Variants in RBFOX1 observed in about 807,000 individuals in gnomAD.
RBFOX1 encodes the protein RNA binding fox-1 homolog 1.
RBFOX1 carries 8 observed loss-of-function variants against 57.7 expected under a neutral mutation model. That is an observed-to-expected ratio of 0.14 (90% confidence interval 0.08 to 0.25). The LOEUF (loss-of-function observed/expected upper bound fraction) is 0.25. Ranked by LOEUF, RBFOX1 falls within the 10% of genes least tolerant of loss-of-function variation. The pLI is 1.00. For synonymous variants in RBFOX1, 326 were observed against 222.4 expected, an observed-to-expected ratio of 1.47 and a Z score of -4.15; for missense variants, 611 against 548.5, an observed-to-expected ratio of 1.11 and a Z score of -1.14.
In RBFOX1 at chr16:5,531,948, C is replaced by T. The variant is rs543456228; in HGVS notation, c.258+64694C>T. Among the ~76,000 whole-genome samples the T allele has an allele frequency of 9.2e-5, 14 of 152,084 alleles. No individual in the cohort carries two copies. The East Asian group carries it at 2.1e-3, about 23-fold the overall frequency. ...CTGAATAGCTGGGATTACAGGCACCCGCCACCATTCCTGGCTAATTTTTGT... is the reference window on the plus strand; with the variant it reads ...CTGAATAGCTGGGATTACAGGCACCTGCCACCATTCCTGGCTAATTTTTGT... On this transcript the variant is annotated intron_variant, in intron 2 of 2. Transcript: ENST00000585867.
intron 4 of RBFOX1, among the ~76,000 whole-genome samples, chr16:5,957,453 C>T (rs879854656): frequency 3.9e-5 from 6 of 152,094 alleles, no homozygotes; most frequent in Non-Finnish European, 5.9e-5. Context: ...TTGAACCCCT[C>T]ACCTCAAGTG....
rs924011030 is a variant in RBFOX1 at position 6,680,479 on chromosome 16, G to T, written c.-16+25829G>T. Among the ~76,000 whole-genome samples the T allele has an allele frequency of 5.3e-5, 8 of 152,076 alleles. No individual in the cohort carries two copies. In the East Asian group the frequency reaches 1.4e-3, roughly 26 times the overall value. On this transcript the variant is annotated intron_variant, in intron 3 of 15. Coordinates refer to ENST00000550418, the MANE Select transcript of RBFOX1 (RefSeq NM_018723.4). Reference sequence around the variant, plus strand: ...GAGGTTTCACCATGTTAGCCACGATGGTCTCGATCTCCTGACCTCATGATC... The same window carrying T: ...GAGGTTTCACCATGTTAGCCACGATTGTCTCGATCTCCTGACCTCATGATC...
At chr16:6,775,334 A>AC (rs1255972499) in intron 3 of RBFOX1, among the ~76,000 whole-genome samples, 2 of 149,682 alleles carry the variant, frequency 1.3e-5, no homozygotes, top group Admixed American at 1.3e-4. Context: ...TGTCTCAAAA[A>AC]AAAAAAAAAA....
intron 3 of RBFOX1, among the ~76,000 whole-genome samples, chr16:5,815,156 A>ATTTTTTTT (rs71142650): frequency 1.3e-4 from 15 of 114,220 alleles, no homozygotes; most frequent in African/African-American, 1.7e-4. Context: ...ATTTAATTTA[A>ATTTTTTTT]TTTTTTTTTT....
At chr16:6,923,576 C>G (rs2074954594) in intron 3 of RBFOX1, among the ~76,000 whole-genome samples, 2 of 152,014 alleles carry the variant, frequency 1.3e-5, no homozygotes, top group African/African-American at 4.8e-5. Context: ...TTAATCATGG[C>G]TGACCATTTT....
rs112717264 is a variant in RBFOX1 at position 7,646,689 on chromosome 16, A to G, written c.758-7126A>G. On this transcript the variant is annotated intron_variant, in intron 11 of 15. Coordinates refer to ENST00000550418, the MANE Select transcript of RBFOX1 (RefSeq NM_018723.4). ...TATATTTTTATGGCTTTGGTGCAGAATCCGCCCCCCTGTCGGGTTTTGCAT... is the reference window on the plus strand; with the variant it reads ...TATATTTTTATGGCTTTGGTGCAGAGTCCGCCCCCCTGTCGGGTTTTGCAT... Among the ~76,000 whole-genome samples the G allele has an allele frequency of 6.8e-3, 1,033 of 152,344 alleles. 6 individuals are homozygous for G. The highest frequency in any genetic ancestry group is 0.037 in the Middle Eastern group (11 of 294).
At chr16:6,138,512 C>T (rs2096685906) in intron 1 of RBFOX1, among the ~76,000 whole-genome samples, 2 of 152,088 alleles carry the variant, frequency 1.3e-5, no homozygotes, top group South Asian at 4.1e-4. Context: ...TTTTTAAAGC[C>T]AGGAAGGGGA....
intron 3 of RBFOX1, among the ~76,000 whole-genome samples, chr16:5,672,854 GGTGTGTGTGTGTGTGTGTGT>G (rs3035730): frequency 2.0e-5 from 3 of 149,622 alleles, no homozygotes; most frequent in Non-Finnish European, 3.0e-5. Context: ...CTTCACCGTA[GGTGTGTGTGTGTGTGTGTGT>G]GTGTGTGTGT....
chr16:6,812,935 G>C (rs2089127418), intron 3 of RBFOX1, among the ~76,000 whole-genome samples: 1 of 152,074 alleles, frequency 6.6e-6, no homozygotes, highest in South Asian at 2.1e-4. Flanking sequence ...TCTTTCTTTG[G>C]AGACTGGGAG....
intron 4 of RBFOX1, among the ~76,000 whole-genome samples, chr16:7,243,551 G>C (rs73552709): frequency 0.023 from 3,440 of 152,198 alleles, 125 homozygotes; most frequent in African/African-American, 0.079. Flanking sequence ...ATTAGTAGTA[G>C]TATTAATACA....
intron 4 of RBFOX1, among the ~76,000 whole-genome samples, chr16:7,135,245 G>T (rs2071597051): frequency 6.6e-6 from 1 of 151,978 alleles, no homozygotes; most frequent in East Asian, 1.9e-4. Context: ...TTTTTTTGTT[G>T]TTGCTGTTGG....
chr16:6,966,417 G>T (rs1397186622), intron 3 of RBFOX1, among the ~76,000 whole-genome samples: 1 of 152,144 alleles, frequency 6.6e-6, no homozygotes, highest in African/African-American at 2.4e-5. Flanking sequence ...TGACCCTGGG[G>T]GGTCTTCCAG....
chr16:6,978,593 C>T (rs906770964), intron 3 of RBFOX1, among the ~76,000 whole-genome samples: 1 of 152,132 alleles, frequency 6.6e-6, no homozygotes, highest in Non-Finnish European at 1.5e-5. Flanking sequence ...CTGGGTATTA[C>T]CAGGTTGGGT....
chr16:6,316,244 G>C (rs1219685356), intron 1 of RBFOX1, among the ~76,000 whole-genome samples: 3 of 152,078 alleles, frequency 2.0e-5, no homozygotes, highest in African/African-American at 7.2e-5. Context: ...TTTTCTGGTA[G>C]GAGATGACCT....
rs143250274 is a variant in RBFOX1 at position 7,472,087 on chromosome 16, C to T, written c.28-46060C>T. Among the ~76,000 whole-genome samples, 241 of 152,296 alleles carry T rather than the reference C, an allele frequency of 1.6e-3. 1 individual carries two copies. The highest frequency in any genetic ancestry group is 5.3e-3 in the African/African-American group (219 of 41,558). On this transcript the variant is annotated intron_variant, in intron 4 of 15. Transcript: ENST00000550418. ...CCTGGCATCTCTCCTTCAGCATATCCTGCCTGGTAGTTATCATTAAAAAAT... is the reference window on the plus strand; with the variant it reads ...CCTGGCATCTCTCCTTCAGCATATCTTGCCTGGTAGTTATCATTAAAAAAT...
chr16:7,172,939 C>G (rs917146662), intron 4 of RBFOX1, among the ~76,000 whole-genome samples: 1 of 152,108 alleles, frequency 6.6e-6, no homozygotes, highest in Non-Finnish European at 1.5e-5. Flanking sequence ...CAGTTAACTA[C>G]AAAACTAAAA....
At chr16:6,882,525 C>T (rs1242459571) in intron 3 of RBFOX1, among the ~76,000 whole-genome samples, 1 of 151,980 alleles carries the variant, frequency 6.6e-6, no homozygotes, top group African/African-American at 2.4e-5. Context: ...ACTTAGGAGG[C>T]AGGGAGGTTG....
At chr16:6,099,527 G>A (rs1403949180) in intron 1 of RBFOX1, among the ~76,000 whole-genome samples, 2 of 152,076 alleles carry the variant, frequency 1.3e-5, no homozygotes, top group Admixed American at 1.3e-4. Context: ...GGGTCTGAGG[G>A]GATGGGGAAG....
At chr16:7,107,093 G>C (rs1274905259) in intron 4 of RBFOX1, among the ~76,000 whole-genome samples, 1 of 152,144 alleles carries the variant, frequency 6.6e-6, no homozygotes, top group Non-Finnish European at 1.5e-5. Context: ...ATTTAAGCCT[G>C]TTTCGAAAGT....
Sources: allele counts gnomAD v4.1 joint callset (sites outside exome capture counted in the v4.1 genomes callset), GRCh38; gene constraint gnomAD v4.1.1; transcripts MANE v1.5; gene names NCBI Gene and HGNC (gene_info 2026-07-23, HGNC 2026-07-21).